Variants in TRIO observed in about 807,000 individuals in gnomAD.
TRIO encodes the protein triple functional domain protein.
A neutral mutation model predicts 351.9 loss-of-function variants in TRIO; 58 were observed. The ratio of observed to expected loss-of-function variants is 0.16; its 90% CI spans 0.13 to 0.21. The LOEUF is 0.21. Ranked by LOEUF, TRIO falls within the 10% of genes least tolerant of loss-of-function variation. The pLI, the probability that TRIO is intolerant of heterozygous loss-of-function variation, is 1.00. For synonymous variants in TRIO, 1,758 were observed against 1,595.7 expected (o/e 1.10, Z -2.42); for missense variants, 3,201 against 4,027.8 (o/e 0.79, Z 5.56).
intron 34 of TRIO, among the ~76,000 whole-genome samples, chr5:14,428,228 G>A (rs965286199): frequency 1.3e-5 from 2 of 152,100 alleles, no homozygotes; most frequent in Non-Finnish European, 2.9e-5. Context: ...AAGTTTAGTC[G>A]AAAATATCGT....
chr5:14,492,646 A>G lies in TRIO; in HGVS notation c.7712A>G (p.Asn2571Ser), dbSNP rs964812285. The change falls in exon 49 of 57, where the codon AAC becomes AGC. Residue 2571 changes from asparagine (N) to serine (S), a missense_variant. Transcript: ENST00000344204. ...DYTAVKEDEI[N>S]VYQGEVVQIL... is the part of the protein sequence containing the mutation. ...ACGGCAGTGAAGGAGGATGAGATCAACGTCTACCAAGGAGAGGTCGTTCAA... is the reference window on the plus strand; with the variant it reads ...ACGGCAGTGAAGGAGGATGAGATCAGCGTCTACCAAGGAGAGGTCGTTCAA... 1 of 1,614,178 alleles carries G rather than the reference A, an allele frequency of 6.2e-7. No homozygotes were observed. Among genetic ancestry groups the G allele is most frequent in the South Asian group, 1.1e-5 (1 of 91,078 alleles).
intron 1 of TRIO, among the ~76,000 whole-genome samples, chr5:14,241,866 A>G (rs1382236240): frequency 3.9e-5 from 6 of 152,318 alleles, no homozygotes; most frequent in Non-Finnish European, 8.8e-5. Context: ...ATTCCATTGC[A>G]AGCTTAGAAC....
intron 49 of TRIO, among the ~76,000 whole-genome samples, chr5:14,493,597 C>G (rs1001648142): frequency 6.6e-6 from 1 of 152,180 alleles, no homozygotes; most frequent in African/African-American, 2.4e-5. Flanking sequence ...TCTCCCTCTC[C>G]TCAGGCCTGC....
intron 1 of TRIO, among the ~76,000 whole-genome samples, chr5:14,159,321 C>CAAAAA (rs34735917): frequency 7.1e-5 from 10 of 140,446 alleles, no homozygotes; most frequent in Non-Finnish European, 1.3e-4. Flanking sequence ...AAATCGCAGT[C>CAAAAA]AAAAAAAAAA....
chr5:14,468,357 A>G (rs1292518488), intron 37 of TRIO, among the ~76,000 whole-genome samples: 2 of 152,274 alleles, frequency 1.3e-5, no homozygotes, highest in Non-Finnish European at 2.9e-5. Context: ...GAGTTCCACC[A>G]GGCAAGTCCT....
intron 1 of TRIO, among the ~76,000 whole-genome samples, chr5:14,146,940 G>A (rs1329089540): frequency 6.6e-6 from 1 of 152,142 alleles, no homozygotes; most frequent in Admixed American, 6.5e-5. Context: ...TCATTTTGAT[G>A]ATCATTTTGA....
chr5:14,289,664 A>G (rs371129046), intron 4 of TRIO, among the ~76,000 whole-genome samples: 3 of 152,170 alleles, frequency 2.0e-5, no homozygotes, highest in African/African-American at 7.2e-5. Flanking sequence ...CGTGACCAAC[A>G]TGGTGAAACC....
chr5:14,481,711 C>T, intron 45 of TRIO, 93 bp downstream of exon 45: 3 of 1,277,210 alleles, frequency 2.3e-6, no homozygotes, highest in Non-Finnish European at 3.3e-6. Context: ...AAAGCTGATC[C>T]TTTTCACTTG....
rs78026472 is a variant in TRIO at position 14,147,630 on chromosome 5, C to A, written c.157+3748C>A. On this transcript the variant is annotated intron_variant, in intron 1 of 56. Coordinates refer to ENST00000344204, the MANE Select transcript of TRIO (RefSeq NM_007118.4). Reference sequence around the variant, plus strand: ...AATCTTACTCGACTCCTCCTGCAGCCCCTGTCTTTCCAGGGAACAGGTGAA... The same window carrying A: ...AATCTTACTCGACTCCTCCTGCAGCACCTGTCTTTCCAGGGAACAGGTGAA... 9.9e-5 allele frequency among the ~76,000 whole-genome samples: 15 copies of A among 152,272 alleles called. No individual in the cohort carries two copies. The East Asian group carries it at 2.9e-3, about 29-fold the overall frequency.
chr5:14,336,056 A>G (rs1741379807), intron 10 of TRIO, among the ~76,000 whole-genome samples: 1 of 152,252 alleles, frequency 6.6e-6, no homozygotes, highest in Non-Finnish European at 1.5e-5. Context: ...AAATGTGTGA[A>G]AAGGGATAGC....
intron 9 of TRIO, among the ~76,000 whole-genome samples, chr5:14,329,443 A>G (rs1220078245): frequency 1.3e-5 from 2 of 152,346 alleles, no homozygotes; most frequent in Admixed American, 6.5e-5. Context: ...CCCTTCCTCC[A>G]TGTGAGGACA....
intron 47 of TRIO, among the ~76,000 whole-genome samples, chr5:14,486,878 C>T (rs968628995): frequency 1.6e-4 from 25 of 152,206 alleles, no homozygotes; most frequent in African/African-American, 5.3e-4. Context: ...ATCTGCTTGT[C>T]GTATTTTTCA....
intron 1 of TRIO, chr5:14,183,822 G>T: frequency 1.6e-6 from 1 of 636,156 alleles, no homozygotes; most frequent in Non-Finnish European, 2.9e-6. Flanking sequence ...GAGGTTGTTT[G>T]TTGGTGTTCT....
chr5:14,405,437 A>G (rs1748620243), intron 31 of TRIO, among the ~76,000 whole-genome samples: 1 of 152,192 alleles, frequency 6.6e-6, no homozygotes, highest in South Asian at 2.1e-4. Flanking sequence ...AGGAGGCCGC[A>G]AGGCTGTGGG....
At chr5:14,408,781 G>A (rs529256218) in intron 33 of TRIO, among the ~76,000 whole-genome samples, 6 of 152,114 alleles carry the variant, frequency 3.9e-5, no homozygotes, top group Admixed American at 6.5e-5. Flanking sequence ...TGAGATCACC[G>A]TCAAGCCCCA....
Position 14,498,187 on chromosome 5 carries a change from A to C in TRIO, c.8146A>C (p.Ile2716Leu). The C allele has an allele frequency of 6.2e-7, 1 of 1,614,186 alleles. No individual in the cohort carries two copies. Residue 2716 changes from isoleucine (I) to leucine (L), a missense_variant, in exon 52 of 57, where the codon ATT becomes CTT. Coordinates refer to ENST00000344204, the MANE Select transcript of TRIO (RefSeq NM_007118.4). ...AGTCTGTGGCCGCCCCAAAGCCTCA[A>C]TTACCTGGAAGGGCCCTGAACACAA... is the stretch of plus-strand genomic sequence containing the variant. The part of the protein sequence containing the change: ...CRVCGRPKAS[I>L]TWKGPEHNTL...
chr5:14,299,162 TTATTA>T (rs1737641166), intron 7 of TRIO, among the ~76,000 whole-genome samples: 1 of 152,218 alleles, frequency 6.6e-6, no homozygotes, highest in South Asian at 2.1e-4. Context: ...TTCCAGTGTT[TTATTA>T]TAAAAAATTT....
intron 1 of TRIO, among the ~76,000 whole-genome samples, chr5:14,173,501 C>G (rs539113025): frequency 1.3e-5 from 2 of 152,080 alleles, no homozygotes; most frequent in African/African-American, 2.4e-5. Context: ...TGTGAGTCAC[C>G]GCGCCTGGCC....
intron 1 of TRIO, among the ~76,000 whole-genome samples, chr5:14,210,688 T>A (rs375624227): frequency 6.6e-6 from 1 of 152,222 alleles, no homozygotes; most frequent in Non-Finnish European, 1.5e-5. Flanking sequence ...TATTTCAACA[T>A]GAATCATAGA....
Sources: gnomAD v4.1 joint callset for allele counts (sites outside exome capture counted in the v4.1 genomes callset) on GRCh38, gnomAD v4.1.1 for gene constraint, MANE v1.5 for transcripts, NCBI Gene and HGNC (gene_info 2026-07-23, HGNC 2026-07-21) for gene names.